Variants in EYS observed in about 807,000 individuals in gnomAD.
The protein encoded by EYS is EGF-like photoreceptor maintenance factor.
In EYS, 250 loss-of-function variants were observed where a neutral mutation model predicts 282.1. The observed-to-expected ratio is 0.89, with a 90% CI of 0.80 to 0.98. EYS has a LOEUF of 0.98. Ranked by LOEUF, EYS falls within the 50% of genes least tolerant of loss-of-function variation. The pLI is 0.00. For missense variants in EYS, 4,016 were observed against 3,709.0 expected, an observed-to-expected ratio of 1.08 and a Z score of -2.15; for synonymous variants, 1,355 against 1,282.9, an observed-to-expected ratio of 1.06 and a Z score of -1.20.
At chr6:65,081,187 GATC>G (rs1295112054) in intron 12 of EYS, among the ~76,000 whole-genome samples, 1 of 152,024 alleles carries the variant, frequency 6.6e-6, no homozygotes, top group Non-Finnish European at 1.5e-5. Context: ...TAATATATGT[GATC>G]ATTATGTGTC....
chr6:65,026,384 A>C (rs1351042821), intron 13 of EYS, among the ~76,000 whole-genome samples: 4 of 152,186 alleles, frequency 2.6e-5, no homozygotes, highest in Middle Eastern at 3.2e-3. Context: ...ACAGAAGCAT[A>C]AAAGTAATAG....
At chr6:65,246,348 CAAG>C (rs1258081692) in intron 12 of EYS, among the ~76,000 whole-genome samples, 1 of 152,016 alleles carries the variant, frequency 6.6e-6, no homozygotes, top group Non-Finnish European at 1.5e-5. Flanking sequence ...ACACATACAT[CAAG>C]AAGACTGAAT....
At chr6:64,493,266 T>A (rs1356076525) in intron 26 of EYS, among the ~76,000 whole-genome samples, 1 of 151,378 alleles carries the variant, frequency 6.6e-6, no homozygotes, top group African/African-American at 2.4e-5. Context: ...ATAGCAGAGC[T>A]GCAAATCAAA....
At chr6:64,342,585 C>A (rs890293971) in intron 29 of EYS, among the ~76,000 whole-genome samples, 12 of 152,020 alleles carry the variant, frequency 7.9e-5, no homozygotes, top group Middle Eastern at 3.4e-3. Context: ...TGGAAAGGAA[C>A]AACCGGTACC....
chr6:64,902,052 C>T, intron 18 of EYS, 61 bp downstream of exon 18: 1 of 1,129,012 alleles, frequency 8.9e-7, no homozygotes, highest in Non-Finnish European at 1.2e-6. Flanking sequence ...CACATGTGTG[C>T]TCACTTTCTT....
At position 64,802,304 on chromosome 6, in the gene EYS, G is replaced by T. The variant is rs143527507; in HGVS notation, c.3443+11074C>A. Among the ~76,000 whole-genome samples, 18 of 151,844 alleles carry T rather than the reference G, an allele frequency of 1.2e-4. No individual in the cohort carries two copies. In the East Asian group the frequency reaches 3.5e-3, roughly 30 times the overall value. On this transcript the variant is annotated intron_variant, in intron 22 of 42. Transcript: ENST00000503581. ...CTGACCTCATGATCCATCCGCCTCG[G>T]CTTCCCTAAAGTGCTGGGATTACAG...
Position 64,081,937 on chromosome 6 carries a change from C to A in EYS, c.6490G>T (p.Val2164Phe). The A allele has an allele frequency of 6.5e-7, 1 of 1,545,112 alleles. No homozygotes were observed. The highest frequency in any genetic ancestry group is 8.8e-7 in the Non-Finnish European group (1 of 1,141,862). Reference sequence around the variant, plus strand: ...GTTCTGTTATGTTCCTTCTCCAGGACAAACTTCAAAAAGGGCAGTTCTAAA... The same window carrying A: ...GTTCTGTTATGTTCCTTCTCCAGGAAAAACTTCAAAAAGGGCAGTTCTAAA... ...SYLELPFLKFVLEKEHNRTVT... is the reference protein window; with the variant it reads ...SYLELPFLKFFLEKEHNRTVT... Residue 2164 changes from valine (V) to phenylalanine (F), a missense_variant, in exon 32 of 43, where the codon GTC becomes TTC. By Grantham distance (50) the Val-to-Phe change is conservative. Coordinates refer to ENST00000503581, the MANE Select transcript of EYS (RefSeq NM_001142800.2).
At chr6:64,783,229 ACTAG>A (rs1415611908) in intron 22 of EYS, among the ~76,000 whole-genome samples, 3 of 152,096 alleles carry the variant, frequency 2.0e-5, no homozygotes, top group African/African-American at 7.2e-5. Context: ...CTATTTCATT[ACTAG>A]CTATTATTGT....
intron 35 of EYS, among the ~76,000 whole-genome samples, chr6:63,881,129 C>T (rs1017151074): frequency 6.6e-6 from 1 of 152,112 alleles, no homozygotes; most frequent in South Asian, 2.1e-4. Context: ...TTTATTTCCC[C>T]TCAATTGCTC....
intron 31 of EYS, among the ~76,000 whole-genome samples, chr6:64,209,414 AT>A (rs1403154211): frequency 1.3e-5 from 2 of 152,154 alleles, no homozygotes; most frequent in Non-Finnish European, 2.9e-5. Flanking sequence ...AAGCTGAAAT[AT>A]TTTGTCATAG....
At chr6:65,457,638 G>A (rs933236919) in intron 5 of EYS, among the ~76,000 whole-genome samples, 2 of 151,932 alleles carry the variant, frequency 1.3e-5, no homozygotes, top group Non-Finnish European at 2.9e-5. Flanking sequence ...TATTTGTTTT[G>A]TTATCCTAAA....
At chr6:63,927,297 A>G (rs1271574708) in intron 35 of EYS, among the ~76,000 whole-genome samples, 1 of 152,208 alleles carries the variant, frequency 6.6e-6, no homozygotes, top group East Asian at 1.9e-4. Flanking sequence ...AAAATGAGAT[A>G]AGAGGTCATG....
chr6:64,957,769 C>T (rs1421043351), intron 14 of EYS, among the ~76,000 whole-genome samples: 21 of 152,038 alleles, frequency 1.4e-4, no homozygotes. Context: ...AATGCAACCT[C>T]CTTCATCAAA....
intron 31 of EYS, among the ~76,000 whole-genome samples, chr6:64,143,844 C>G (rs1774425390): frequency 1.3e-5 from 2 of 152,176 alleles, no homozygotes; most frequent in Non-Finnish European, 2.9e-5. Flanking sequence ...TAACTGCCAT[C>G]CTTTGGAGAA....
intron 5 of EYS, among the ~76,000 whole-genome samples, chr6:65,430,308 C>T (rs926183911): frequency 1.6e-4 from 24 of 152,090 alleles, no homozygotes; most frequent in African/African-American, 3.9e-4. Flanking sequence ...GACCGAACAC[C>T]GAACTCATCT....
At chr6:64,789,327 A>C (rs926490551) in intron 22 of EYS, among the ~76,000 whole-genome samples, 3 of 152,176 alleles carry the variant, frequency 2.0e-5, no homozygotes, top group African/African-American at 7.2e-5. Context: ...CTTGGATTAC[A>C]TTCAATTTAT....
intron 22 of EYS, among the ~76,000 whole-genome samples, chr6:64,643,213 TGTG>T (rs1768234587): frequency 6.6e-6 from 1 of 151,770 alleles, no homozygotes; most frequent in East Asian, 1.9e-4. Flanking sequence ...AGAGAAGACA[TGTG>T]CTTTTATCCA....
chr6:65,257,592 G>C (rs1034078681), intron 12 of EYS, among the ~76,000 whole-genome samples: 2 of 150,880 alleles, frequency 1.3e-5, no homozygotes, highest in Non-Finnish European at 3.0e-5. Flanking sequence ...GGTAAGCGGC[G>C]TTATTTCTGA....
At chr6:64,514,451 G>T (rs1441623141) in intron 26 of EYS, among the ~76,000 whole-genome samples, 2 of 151,798 alleles carry the variant, frequency 1.3e-5, no homozygotes, top group Non-Finnish European at 2.9e-5. Context: ...GGACAGCCGG[G>T]CCATGGCCTT....
Sources: gnomAD v4.1 joint callset for allele counts (sites outside exome capture counted in the v4.1 genomes callset) on GRCh38, gnomAD v4.1.1 for gene constraint, MANE v1.5 for transcripts, NCBI Gene and HGNC (gene_info 2026-07-23, HGNC 2026-07-21) for gene names.